Variants in CDH1 observed in about 807,000 individuals in gnomAD.
The protein encoded by CDH1 is cadherin 1, also known as cadherin-1.
A neutral mutation model predicts 84.5 loss-of-function variants in CDH1; 35 were observed. The ratio of observed to expected loss-of-function variants is 0.41; its 90% confidence interval spans 0.32 to 0.55. The LOEUF is 0.55. CDH1 is among the 20% of genes least tolerant of loss of function. The pLI, the probability that CDH1 is intolerant of heterozygous loss-of-function variation, is 0.19. For missense variants in CDH1, 994 were observed against 1,126.6 expected, an observed-to-expected ratio of 0.88 and a Z score of 1.68; for synonymous variants, 417 against 439.0, an observed-to-expected ratio of 0.95 and a Z score of 0.63.
At chr16:68,823,237 CAAA>C (rs146046879) in intron 12 of CDH1, 159 bp from the exon 13 acceptor site, 10,167 of 507,932 alleles carry the variant, frequency 0.02, no homozygotes, top group Non-Finnish European at 0.022. Flanking sequence ...CTTTTTACAG[CAAA>C]AAAAAAAAAA....
chr16:68,778,044 C>CTTTA (rs985361309), intron 2 of CDH1, among the ~76,000 whole-genome samples: 1 of 143,018 alleles, frequency 7.0e-6, no homozygotes, highest in Non-Finnish European at 1.5e-5. Context: ...AAATTGGACA[C>CTTTA]TTTATTTATT....
At chr16:68,831,800 A>G (rs1035089773) in intron 15 of CDH1, among the ~76,000 whole-genome samples, 10 of 151,968 alleles carry the variant, frequency 6.6e-5, no homozygotes, top group African/African-American at 2.4e-4. Flanking sequence ...CGGCCTCCCA[A>G]AGTACTGGGA....
intron 15 of CDH1, among the ~76,000 whole-genome samples, chr16:68,832,665 C>A (rs181440324): frequency 6.6e-5 from 10 of 151,302 alleles, no homozygotes; most frequent in Non-Finnish European, 1.2e-4. Context: ...ACTAAAAATA[C>A]AAAAATTAGC....
rs371996897 is a variant in CDH1, at chr16:68,810,262, G to T, written c.753G>T (p.Thr251=). ...AGGATCCAATGGAGATTTTGATCAC[G>T]GTAACCGATCAGAATGACAACAAGC... is the stretch of plus-strand genomic sequence containing the variant. ...AVEDPMEILI[T]VTDQNDNKPE... Residue 251 remains threonine, a synonymous_variant, in exon 6 of 16, where the codon ACG becomes ACT. Coordinates refer to ENST00000261769, the MANE Select transcript of CDH1 (RefSeq NM_004360.5). The T allele has an allele frequency of 6.2e-7, 1 of 1,613,910 alleles. No individual in the cohort carries two copies. The highest frequency in any genetic ancestry group is 8.5e-7 in the Non-Finnish European group (1 of 1,179,788).
At chr16:68,826,934 T>A (rs1442330653) in intron 13 of CDH1, among the ~76,000 whole-genome samples, 3 of 152,156 alleles carry the variant, frequency 2.0e-5, no homozygotes, top group Non-Finnish European at 4.4e-5. Flanking sequence ...TTGAGGTACA[T>A]CTGAGAAATC....
chr16:68,738,470 G>T, intron 2 of CDH1, 59 bp downstream of exon 2: 5 of 1,166,674 alleles, frequency 4.3e-6, no homozygotes, highest in East Asian at 2.6e-5. Context: ...AAGGGGCCGA[G>T]AAATTGCACT....
intron 2 of CDH1, among the ~76,000 whole-genome samples, chr16:68,789,341 A>C (rs1223125845): frequency 6.6e-6 from 1 of 151,976 alleles, no homozygotes; most frequent in Non-Finnish European, 1.5e-5. Flanking sequence ...CAGGTGTTTA[A>C]AAATAGAATA....
chr16:68,759,356 T>C (rs994434410), intron 2 of CDH1, among the ~76,000 whole-genome samples: 5 of 152,208 alleles, frequency 3.3e-5, no homozygotes, highest in African/African-American at 9.6e-5. Flanking sequence ...AGTATTGTTA[T>C]ACAATGACCA....
chr16:68,807,707 A>C (rs1357197992), intron 3 of CDH1, among the ~76,000 whole-genome samples: 2 of 151,706 alleles, frequency 1.3e-5, no homozygotes, highest in Non-Finnish European at 2.9e-5. Context: ...AAAAGAAAAG[A>C]AAAGAAATCG....
intron 2 of CDH1, among the ~76,000 whole-genome samples, chr16:68,748,493 C>G (rs1400898651): frequency 6.6e-6 from 1 of 152,198 alleles, no homozygotes; most frequent in African/African-American, 2.4e-5. Context: ...CTTTTTATAG[C>G]TATGCGGTAT....
At chr16:68,789,375 A>G (rs1960150947) in intron 2 of CDH1, among the ~76,000 whole-genome samples, 4 of 151,992 alleles carry the variant, frequency 2.6e-5, no homozygotes, top group Non-Finnish European at 5.9e-5. Context: ...AATTTTGGAG[A>G]ACAGGATGTA....
intron 2 of CDH1, among the ~76,000 whole-genome samples, chr16:68,788,115 C>T (rs1340247863): frequency 2.0e-5 from 3 of 152,198 alleles, no homozygotes; most frequent in Non-Finnish European, 2.9e-5. Flanking sequence ...GTGTGAGCCA[C>T]CGCACCCAGC....
In CDH1 at chr16:68,756,132, AT is replaced by A. The variant is rs58200081; in HGVS notation, c.163+17737del. 7.8e-3 allele frequency among the ~76,000 whole-genome samples: 967 copies of A among 124,372 alleles called. 3 individuals carry two copies. Among genetic ancestry groups the A allele is most frequent in the African/African-American group, 0.016 (433 of 27,668 alleles). 81.6% of individuals were successfully genotyped at this position (124,372 alleles called of 152,430 possible). On this transcript the variant is annotated intron_variant, in intron 2 of 15. Coordinates refer to ENST00000261769, the MANE Select transcript of CDH1 (RefSeq NM_004360.5). Reference sequence around the variant, plus strand: ...TCTAAACAGGCATCATTTAGGGCATATTTTTTTTTTTTTTTTGTGCATGTAT... The same window carrying A: ...TCTAAACAGGCATCATTTAGGGCATATTTTTTTTTTTTTTTGTGCATGTAT...
chr16:68,755,819 A>G (rs1247855148), intron 2 of CDH1, among the ~76,000 whole-genome samples: 1 of 145,466 alleles, frequency 6.9e-6, no homozygotes, highest in East Asian at 2.0e-4. Flanking sequence ...GCTAGAGTGC[A>G]GTGGCCTGAT....
chr16:68,800,008 A>G (rs901242682), intron 2 of CDH1, among the ~76,000 whole-genome samples: 1 of 150,200 alleles, frequency 6.7e-6, no homozygotes, highest in Non-Finnish European at 1.5e-5. Flanking sequence ...AGACTGTCTC[A>G]AAAAAAATTA....
In CDH1 at chr16:68,799,941, C is replaced by T. The variant is rs138883020; in HGVS notation, c.164-1729C>T. On this transcript the variant is annotated intron_variant, in intron 2 of 15. Coordinates refer to ENST00000261769, the MANE Select transcript of CDH1 (RefSeq NM_004360.5). ...GGCAGAATTGCTTGAACCCAGGAGGCGGAGGTTTCAGTGAGCCGAGATCGT... is the reference window on the plus strand; with the variant it reads ...GGCAGAATTGCTTGAACCCAGGAGGTGGAGGTTTCAGTGAGCCGAGATCGT... 7.9e-4 allele frequency among the ~76,000 whole-genome samples: 119 copies of T among 151,126 alleles called. 1 individual carries two copies. The East Asian group carries it at 9.6e-3, about 12-fold the overall frequency.
chr16:68,830,085 G>T (rs1961446500), intron 15 of CDH1, among the ~76,000 whole-genome samples: 1 of 151,210 alleles, frequency 6.6e-6, no homozygotes, highest in Non-Finnish European at 1.5e-5. Context: ...CTCCCAAGTA[G>T]CTGGGATTAC....
At chr16:68,759,899 C>T (rs1365501040) in intron 2 of CDH1, among the ~76,000 whole-genome samples, 2 of 151,996 alleles carry the variant, frequency 1.3e-5, no homozygotes, top group East Asian at 1.9e-4. Flanking sequence ...CTGTGCTCAG[C>T]GGCTCTATTT....
At chr16:68,797,837 G>C (rs1411903524) in intron 2 of CDH1, among the ~76,000 whole-genome samples, 1 of 152,158 alleles carries the variant, frequency 6.6e-6, no homozygotes. Context: ...CCAGCAGTTT[G>C]GGAGGCAGAG....
Sources: gnomAD v4.1 joint callset for allele counts (sites outside exome capture counted in the v4.1 genomes callset) on GRCh38, gnomAD v4.1.1 for gene constraint, MANE v1.5 for transcripts, NCBI Gene and HGNC (gene_info 2026-07-23, HGNC 2026-07-21) for gene names.